CTPS2: variants seen among roughly 807,000 people sequenced by gnomAD.
CTPS2 encodes the protein CTP synthase II.
CTPS2 carries 19 observed loss-of-function variants against 46.8 expected under a neutral mutation model. The ratio of observed to expected loss-of-function variants is 0.41; its 90% CI spans 0.28 to 0.60. The LOEUF (loss-of-function observed/expected upper bound fraction) is 0.60. Ranked by LOEUF, CTPS2 falls within the 20% of genes least tolerant of loss-of-function variation. The pLI, the probability that CTPS2 is intolerant of heterozygous loss-of-function variation, is 0.35. For synonymous variants in CTPS2, 151 were observed against 165.2 expected (o/e 0.91, Z 0.66); for missense variants, 286 against 447.6 (o/e 0.64, Z 3.26).
intron 17 of CTPS2, among the ~76,000 whole-genome samples, chrX:16,596,528 T>A (rs1929282738): frequency 9.1e-6 from 1 of 110,257 alleles, no homozygotes; most frequent in Admixed American, 9.7e-5. Context: ...GAACTCATCA[T>A]TTTTTATGGC....
chrX:16,603,505 C>T (rs1032528577), intron 17 of CTPS2, among the ~76,000 whole-genome samples: 8 of 110,192 alleles, frequency 7.3e-5, no homozygotes, highest in Non-Finnish European at 1.5e-4. Context: ...ATCTCCAGAC[C>T]GTCACTGTAT....
chrX:16,671,650 G>A lies in CTPS2; in HGVS notation c.1095-976C>T, dbSNP rs1033419379. On this transcript the variant is annotated intron_variant, in intron 10 of 18. Transcript: ENST00000359276. ...CTGCCTCAGCCTCCCGAGTAGCTGG[G>A]ATTACAAGCACACGCCACCACGCCC... is the stretch of plus-strand genomic sequence containing the variant. 6.2e-4 allele frequency among the ~76,000 whole-genome samples: 67 copies of A among 107,667 alleles called. 4 individuals carry two copies. Among genetic ancestry groups the A allele is most frequent in the Non-Finnish European group, 1.5e-4 (8 of 52,169 alleles). The allele number at this position is 107,667 out of a possible 115,157, so 93.5% of individuals were successfully genotyped here. A position where few individuals can be genotyped will look rare whatever the true frequency, so the allele number is the denominator to read the frequency against.
chrX:16,590,602 G>C (rs1315419149), intron 18 of CTPS2, 150 bp downstream of exon 18: 1 of 368,732 alleles, frequency 2.7e-6, no homozygotes, highest in Non-Finnish European at 4.7e-6. Context: ...GTCATGGGCT[G>C]TCATGCGTGT....
In CTPS2 at chrX:16,617,205, TAA is replaced by T. The variant is rs1930578781; in HGVS notation, c.1489_1490del (p.Leu497LysfsTer8). The T allele has an allele frequency of 8.3e-7, 1 of 1,208,482 alleles. No homozygotes were observed. Among genetic ancestry groups the T allele is most frequent in the Non-Finnish European group, 1.1e-6 (1 of 894,306 alleles). ...CATCAACATCCTGACCTACAAAACT[TAA>T]GTCATTCTGCTCAAATTGTTTGATC... ...NLIKQFEQNDLSFVGQDVDGD... is the reference protein window; with the variant it reads ...NLIKQFEQNDXSFVGQDVDGD... On this transcript the variant is annotated frameshift_variant, in exon 16 of 19. Coordinates refer to ENST00000359276, the MANE Select transcript of CTPS2 (RefSeq NM_175859.3). LOFTEE classifies it high-confidence loss of function.
chrX:16,611,312 G>A (rs988192080), intron 16 of CTPS2, among the ~76,000 whole-genome samples: 4 of 110,353 alleles, frequency 3.6e-5, no homozygotes, highest in South Asian at 4.0e-4. Flanking sequence ...TTAGCTGGGC[G>A]TGGTGGCGTG....
chrX:16,592,104 AGT>A (rs764861395), intron 17 of CTPS2, among the ~76,000 whole-genome samples: 1 of 103,102 alleles, frequency 9.7e-6, no homozygotes, highest in Non-Finnish European at 2.0e-5. Flanking sequence ...ATGGGGCTGG[AGT>A]GTGTGTGTGT....
intron 8 of CTPS2, among the ~76,000 whole-genome samples, chrX:16,687,590 T>G (rs1923337418): frequency 9.0e-6 from 1 of 111,437 alleles, no homozygotes; most frequent in African/African-American, 3.3e-5. Context: ...TTCTAGTGCT[T>G]AAAGTGTATC....
At chrX:16,632,506 C>G (rs1931531046) in intron 14 of CTPS2, among the ~76,000 whole-genome samples, 1 of 108,704 alleles carries the variant, frequency 9.2e-6, no homozygotes, top group African/African-American at 3.4e-5. Flanking sequence ...ACTGCAACCT[C>G]CGCCTCCCGG....
At chrX:16,673,823 A>T (rs370602797) in intron 10 of CTPS2, among the ~76,000 whole-genome samples, 14 of 111,521 alleles carry the variant, frequency 1.3e-4, no homozygotes, top group African/African-American at 4.6e-4. Context: ...AAATTGTTCA[A>T]TTTACCTACT....
At chrX:16,706,868 A>C (rs186941672) in intron 1 of CTPS2, among the ~76,000 whole-genome samples, 1,901 of 107,738 alleles carry the variant, frequency 0.018, 24 homozygotes, top group African/African-American at 0.033. Context: ...TCTCAAAAAA[A>C]AAACAAACAA....
Position 16,639,262 on chromosome X carries a change from T to A in CTPS2, c.1297-19A>T. On this transcript the variant is annotated intron_variant, in intron 13 of 18. Coordinates refer to ENST00000359276, the MANE Select transcript of CTPS2 (RefSeq NM_175859.3). ...CAATCACCTTAGAAAACAAAACAAG[T>A]CCAGTTTTGCCATCTTGTAAAAATG... The A allele has an allele frequency of 6.2e-6, 7 of 1,123,487 alleles. No homozygotes were observed. Among genetic ancestry groups the A allele is most frequent in the Non-Finnish European group, 8.6e-6 (7 of 816,681 alleles). 92.6% of individuals were successfully genotyped at this position (1,123,487 alleles called of 1,213,427 possible).
At chrX:16,663,673 T>G (rs1933043603) in intron 13 of CTPS2, among the ~76,000 whole-genome samples, 1 of 110,115 alleles carries the variant, frequency 9.1e-6, no homozygotes, top group South Asian at 3.9e-4. Context: ...CTGGGCAACA[T>G]AGTGAGACAG....
intron 2 of CTPS2, 24 bp downstream of exon 2, chrX:16,702,713 G>A (rs1021283496): frequency 1.7e-6 from 2 of 1,193,705 alleles, no homozygotes; most frequent in Non-Finnish European, 2.3e-6. Context: ...AGTGCTATAA[G>A]GGGGAAGTGG....
chrX:16,661,993 CATAT>C (rs5901592), intron 13 of CTPS2, among the ~76,000 whole-genome samples: 3 of 85,218 alleles, frequency 3.5e-5, no homozygotes, highest in African/African-American at 4.1e-5. Flanking sequence ...ATTGTTCATT[CATAT>C]ATATATATAT....
At chrX:16,691,162 C>CA (rs1923663806) in intron 7 of CTPS2, among the ~76,000 whole-genome samples, 1 of 111,862 alleles carries the variant, frequency 8.9e-6, no homozygotes, top group Non-Finnish European at 1.9e-5. Context: ...ACTAAAAATA[C>CA]AAAAAAATTA....
rs141929744 is a variant in CTPS2 at position 16,691,551 on chromosome X, T to A, written c.709A>T (p.Asn237Tyr). Residue 237 changes from asparagine (N) to tyrosine (Y), a missense_variant, in exon 7 of 19, where the codon AAC (asparagine) becomes TAC (tyrosine). Coordinates refer to ENST00000359276, the MANE Select transcript of CTPS2 (RefSeq NM_175859.3). ...KEKISMFCHV[N>Y]PEQVICIHDV... ...AGAGCAGCACCAACCTGTTCAGGGT[T>A]CACGTGACAAAACATAGAAATCTTC... 3 of 1,208,451 alleles carry A rather than the reference T, an allele frequency of 2.5e-6. No homozygotes were observed. In the African/African-American group the frequency reaches 5.2e-5, roughly 21 times the overall value.
chrX:16,658,722 T>C (rs764733451), intron 13 of CTPS2, among the ~76,000 whole-genome samples: 1 of 112,540 alleles, frequency 8.9e-6, no homozygotes, highest in Admixed American at 9.4e-5. Context: ...TTAACAACTG[T>C]TTTGTTCACG....
At chrX:16,680,058 C>G (rs1922610657) in intron 9 of CTPS2, among the ~76,000 whole-genome samples, 1 of 111,103 alleles carries the variant, frequency 9.0e-6, no homozygotes, top group Non-Finnish European at 1.9e-5. Flanking sequence ...TGGAAACCAG[C>G]CCGGAAGCCG....
intron 17 of CTPS2, among the ~76,000 whole-genome samples, chrX:16,596,059 G>A (rs148830755): frequency 0.021 from 2,335 of 110,681 alleles, 34 homozygotes; most frequent in Middle Eastern, 0.081. Context: ...TTTTTTGTAG[G>A]AATGGGGTCT....
Sources: gnomAD v4.1 joint callset for allele counts (sites outside exome capture counted in the v4.1 genomes callset) on GRCh38, gnomAD v4.1.1 for gene constraint, MANE v1.5 for transcripts, NCBI Gene and HGNC (gene_info 2026-07-23, HGNC 2026-07-21) for gene names.